COL28A1: variants seen among roughly 807,000 people sequenced by gnomAD.
COL28A1 encodes the protein collagen type XXVIII alpha 1 chain.
Under a neutral mutation model 150.2 loss-of-function variants are expected in COL28A1, and 161 were observed. That is an observed-to-expected ratio of 1.07 (90% CI 0.94 to 1.22). The LOEUF (loss-of-function observed/expected upper bound fraction) is 1.22, where lower values mean the gene tolerates loss of function less well. COL28A1 is among the 50% of genes most tolerant of loss of function. COL28A1 has a pLI of 0.00. For synonymous variants in COL28A1, 552 were observed against 469.7 expected, an observed-to-expected ratio of 1.18 and a Z score of -2.26; for missense variants, 1,617 against 1,388.3, an observed-to-expected ratio of 1.16 and a Z score of -2.62.
At chr7:7,354,665 A>C (rs1447720399), downstream of COL28A1, among the ~76,000 whole-genome samples, 1 of 152,174 alleles carries the variant, frequency 6.6e-6, no homozygotes, top group Non-Finnish European at 1.5e-5. Flanking sequence ...TCTAATGTGA[A>C]ACTCTAAAAC....
At chr7:7,359,654 T>C (rs1258215340) in intron 34 of COL28A1, among the ~76,000 whole-genome samples, 1 of 152,146 alleles carries the variant, frequency 6.6e-6, no homozygotes, top group Non-Finnish European at 1.5e-5. Flanking sequence ...GTGATAAACT[T>C]TATTTTGCAA....
intron 27 of COL28A1, among the ~76,000 whole-genome samples, chr7:7,401,844 C>G (rs569426403): frequency 6.6e-6 from 1 of 152,336 alleles, no homozygotes; most frequent in South Asian, 2.1e-4. Context: ...TCACAATGCT[C>G]ACTGCATTCC....
chr7:7,393,852 T>C (rs1258157066), intron 27 of COL28A1, among the ~76,000 whole-genome samples: 1 of 152,124 alleles, frequency 6.6e-6, no homozygotes, highest in Non-Finnish European at 1.5e-5. Flanking sequence ...CATTGGATCT[T>C]AGCTTGCTAG....
chr7:7,417,815 C>G (rs547315324), intron 27 of COL28A1, 44 bp downstream of exon 27: 2 of 1,520,344 alleles, frequency 1.3e-6, no homozygotes, highest in South Asian at 1.1e-5. Flanking sequence ...CCCAATCACT[C>G]TGGTGAAATC....
At chr7:7,489,149 T>C (rs1191983050) in intron 13 of COL28A1, among the ~76,000 whole-genome samples, 1 of 152,120 alleles carries the variant, frequency 6.6e-6, no homozygotes, top group East Asian at 1.9e-4. Flanking sequence ...CGTGCACTTG[T>C]AGTCCCAGCT....
In COL28A1 at chr7:7,532,772, G is replaced by T; in HGVS notation, c.104C>A (p.Ala35Glu). 6.2e-7 allele frequency: 1 copy of T among 1,606,546 alleles called. No homozygotes were observed. ...TTTACCCTGGACATCACTTTTCCTT[G>T]CAAGCAAATTTGATTTTGGTCCTTT... ...RKKGPKSNLLARKSDVQGSIC... is the reference protein window; with the variant it reads ...RKKGPKSNLLERKSDVQGSIC... Residue 35 changes from alanine (A) to glutamate (E), a missense_variant, in exon 2 of 35, where the codon GCA (alanine) becomes GAA (glutamate). Ala to Glu is a moderately radical substitution (Grantham distance 107, BLOSUM62 -1). Coordinates refer to ENST00000399429, the MANE Select transcript of COL28A1 (RefSeq NM_001037763.3).
At chr7:7,443,986 G>GTTTTTTTTTTT (rs71010980) in intron 19 of COL28A1, among the ~76,000 whole-genome samples, 1 of 95,544 alleles carries the variant, frequency 1.0e-5, no homozygotes, top group Non-Finnish European at 2.0e-5. Context: ...TCCATCTGCT[G>GTTTTTTTTTTT]TTTTTTTTTT....
At position 7,372,921 on chromosome 7, in the gene COL28A1, G is replaced by A. The variant is rs562127536; in HGVS notation, c.2908+77C>T. ...ATTAGCCTCCAGATTTTTCTATTTGGTCAGGACAAACCAGTGATATGGTAC... is the reference window on the plus strand; with the variant it reads ...ATTAGCCTCCAGATTTTTCTATTTGATCAGGACAAACCAGTGATATGGTAC... On this transcript the variant is annotated intron_variant, in intron 32 of 34. Transcript: ENST00000399429. 11 of 1,265,194 alleles carry A rather than the reference G, an allele frequency of 8.7e-6. No homozygotes were observed. In the African/African-American group the frequency reaches 9.1e-5, roughly 10 times the overall value. The allele number at this position is 1,265,194 out of a possible 1,614,324, so 78.4% of individuals were successfully genotyped here. A position where few individuals can be genotyped will look rare whatever the true frequency, so the allele number is the denominator to read the frequency against.
At chr7:7,407,034 C>G (rs1783527389) in intron 27 of COL28A1, among the ~76,000 whole-genome samples, 1 of 151,514 alleles carries the variant, frequency 6.6e-6, no homozygotes, top group Non-Finnish European at 1.5e-5. Flanking sequence ...GTAACTGAAA[C>G]TAAAAACTCA....
At chr7:7,385,836 A>G (rs1782150172) in intron 27 of COL28A1, among the ~76,000 whole-genome samples, 1 of 152,212 alleles carries the variant, frequency 6.6e-6, no homozygotes, top group Non-Finnish European at 1.5e-5. Flanking sequence ...TTTCTTTTTA[A>G]TCACTAGTTT....
chr7:7,373,429 T>A lies in COL28A1; in HGVS notation c.2477A>T (p.Asp826Val). Residue 826 changes from aspartate to valine, a missense_variant, in exon 32 of 35, where the codon GAC becomes GTC. By Grantham distance (152) the Asp-to-Val change is radical. Transcript: ENST00000399429. This position sits in a 1 kb window ranked among gnomAD's most constrained non-coding sequence, Gnocchi z 4.1. Reference protein sequence around the residue: ...IIKNFVKTMADRVALDLATAR... With the variant: ...IIKNFVKTMAVRVALDLATAR... ...CGTGGCAAGGTCCAGAGCAACCCGG[T>A]CAGCCATAGTCTTCACAAAATTTTT... is the stretch of plus-strand genomic sequence containing the variant. 2.5e-6 allele frequency: 4 copies of A among 1,614,134 alleles called. No individual in the cohort carries two copies. Among genetic ancestry groups the A allele is most frequent in the Non-Finnish European group, 3.4e-6 (4 of 1,180,026 alleles).
intron 3 of COL28A1, among the ~76,000 whole-genome samples, chr7:7,529,178 A>G (rs1280904170): frequency 6.6e-6 from 1 of 151,370 alleles, no homozygotes; most frequent in Non-Finnish European, 1.5e-5. Flanking sequence ...AATGCCAGCT[A>G]CTTGAGAAAC....
intron 33 of COL28A1, among the ~76,000 whole-genome samples, chr7:7,365,225 C>T (rs1404238233): frequency 1.3e-5 from 2 of 152,144 alleles, no homozygotes; most frequent in African/African-American, 4.8e-5. Context: ...GTGGTGAGTA[C>T]GCAGTCAAAT....
At chr7:7,366,214 G>A (rs1780924543) in intron 33 of COL28A1, among the ~76,000 whole-genome samples, 1 of 152,104 alleles carries the variant, frequency 6.6e-6, no homozygotes, top group Admixed American at 6.5e-5. Context: ...CCTAACATCA[G>A]GCAGCTATGA....
At chr7:7,401,249 G>C (rs1298861291) in intron 27 of COL28A1, among the ~76,000 whole-genome samples, 3 of 151,850 alleles carry the variant, frequency 2.0e-5, no homozygotes, top group Admixed American at 1.3e-4. Context: ...AATGCTGGAG[G>C]ACCCAGGGCC....
chr7:7,396,398 A>G (rs868182201), intron 27 of COL28A1, among the ~76,000 whole-genome samples: 3 of 152,180 alleles, frequency 2.0e-5, no homozygotes, highest in Admixed American at 6.5e-5. Flanking sequence ...AGTCCCTCCG[A>G]ACAAAGGCTT....
rs760098788 is a variant in COL28A1, at chr7:7,444,443, C to T, written c.1556G>A (p.Gly519Glu). 1 of 1,614,010 alleles carries T rather than the reference C, an allele frequency of 6.2e-7. No homozygotes were observed. The highest frequency in any genetic ancestry group is 1.1e-5 in the South Asian group (1 of 91,064). Residue 519 changes from glycine (G) to glutamate (E), a missense_variant, in exon 19 of 35, where the codon GGA (glycine) becomes GAA (glutamate). Physicochemically the swap from Gly to Glu is moderately conservative, Grantham distance 98. Transcript: ENST00000399429. ...CTTCTTCCCTGCAGCTCCATCTTCT[C>T]CTGGTACTCCTGGTTGTCCTGGGAG... ...IGLPGQPGVP[G>E]EDGAAGKKGE...
chr7:7,366,860 C>T (rs1313529840), intron 33 of COL28A1, among the ~76,000 whole-genome samples: 1 of 152,126 alleles, frequency 6.6e-6, no homozygotes, highest in Non-Finnish European at 1.5e-5. Flanking sequence ...GTAACAGATT[C>T]ATTTTATTTT....
intron 15 of COL28A1, among the ~76,000 whole-genome samples, chr7:7,459,501 A>G (rs1787433995): frequency 6.6e-6 from 1 of 152,250 alleles, no homozygotes; most frequent in Admixed American, 6.5e-5. Flanking sequence ...CTAATATAAT[A>G]TACAATATAA....
Sources: allele counts gnomAD v4.1 joint callset (sites outside exome capture counted in the v4.1 genomes callset), GRCh38; gene constraint gnomAD v4.1.1; non-coding constraint Gnocchi (gnomAD v3.1); transcripts MANE v1.5; gene names NCBI Gene and HGNC (gene_info 2026-07-23, HGNC 2026-07-21).